Variants in CHST15 observed in about 807,000 individuals in gnomAD.
CHST15 encodes the protein carbohydrate sulfotransferase 15.
In CHST15, 30 loss-of-function variants were observed where a neutral mutation model predicts 53.6. The ratio of observed to expected loss-of-function variants is 0.56; its 90% confidence interval spans 0.42 to 0.76. CHST15 has a LOEUF of 0.76. Among genes scored for constraint, CHST15 ranks in the 30% least tolerant of loss-of-function variants. The pLI, the probability that CHST15 is intolerant of heterozygous loss-of-function variation, is 0.00. For missense variants in CHST15, 627 were observed against 740.5 expected (o/e 0.85, Z 1.78); for synonymous variants, 296 against 289.8 (o/e 1.02, Z -0.22).
In CHST15 at chr10:124,038,117, T is replaced by C. The variant is rs368652285; in HGVS notation, c.1190+398A>G. Among the ~76,000 whole-genome samples the C allele has an allele frequency of 1.6e-3, 238 of 151,642 alleles. 3 individuals carry two copies. Among genetic ancestry groups the C allele is most frequent in the African/African-American group, 5.4e-3 (223 of 41,300 alleles). ...TGTTTGTTTTTATTTTATTTTATTT[T>C]TTTTTTTGAGATGGAGTCTCACTCT... is the stretch of plus-strand genomic sequence containing the variant. On this transcript the variant is annotated intron_variant, in intron 5 of 7. Coordinates refer to ENST00000435907, the MANE Select transcript of CHST15 (RefSeq NM_001270764.2).
chr10:124,012,787 G>GGT (rs1466364647), intron 6 of CHST15, among the ~76,000 whole-genome samples: 1 of 152,170 alleles, frequency 6.6e-6, no homozygotes, highest in African/African-American at 2.4e-5. Flanking sequence ...GGCCACCAAT[G>GGT]GTGTACATGT....
intron 1 of CHST15, among the ~76,000 whole-genome samples, chr10:124,051,965 G>T (rs1315989165): frequency 6.6e-6 from 1 of 152,150 alleles, no homozygotes; most frequent in Admixed American, 6.5e-5. Context: ...AACTTCAGAA[G>T]AAATCTGGAT....
At chr10:124,063,807 A>AGG (rs1564900169) in intron 1 of CHST15, among the ~76,000 whole-genome samples, 1 of 152,238 alleles carries the variant, frequency 6.6e-6, no homozygotes, top group Non-Finnish European at 1.5e-5. Flanking sequence ...GTCAAGAAGC[A>AGG]GGGGCAGCTG....
chr10:124,058,322 CCTGATAGTCCAGTGT>C (rs774968182), intron 1 of CHST15, among the ~76,000 whole-genome samples: 1 of 152,204 alleles, frequency 6.6e-6, no homozygotes, highest in Non-Finnish European at 1.5e-5. Context: ...GAAGGAAATG[CCTGATAGTCCAGTGT>C]CTGCCACTTG....
chr10:124,067,975 G>A (rs1419862285), intron 1 of CHST15, among the ~76,000 whole-genome samples: 4 of 152,196 alleles, frequency 2.6e-5, no homozygotes, highest in Admixed American at 6.5e-5. Context: ...TTTCATTAAA[G>A]GTTGTGTCTG....
chr10:124,073,151 A>G (rs1008386819), intron 1 of CHST15, among the ~76,000 whole-genome samples: 1 of 152,224 alleles, frequency 6.6e-6, no homozygotes, highest in Non-Finnish European at 1.5e-5. Context: ...ATCAAAAGAC[A>G]TCAACTAGAA....
At chr10:124,061,690 G>A (rs1948579574) in intron 1 of CHST15, among the ~76,000 whole-genome samples, 1 of 152,176 alleles carries the variant, frequency 6.6e-6, no homozygotes, top group South Asian at 2.1e-4. Context: ...AATAATAAAT[G>A]TTGCACAAAA....
At chr10:124,087,456 G>A (rs1197021483) in intron 1 of CHST15, among the ~76,000 whole-genome samples, 3 of 152,184 alleles carry the variant, frequency 2.0e-5, no homozygotes, top group African/African-American at 7.2e-5. Context: ...ACATAATTGT[G>A]CCTGGCCTGT....
At chr10:124,046,784 C>T (rs923803706) in intron 1 of CHST15, 60 bp from the exon 2 acceptor site, 1 of 152,224 alleles carries the variant, frequency 6.6e-6, no homozygotes, top group African/African-American at 2.4e-5. Context: ...ACCCAAAGCT[C>T]ATCCTCCAAG....
At chr10:124,090,955 G>T (rs1045652952) in intron 1 of CHST15, among the ~76,000 whole-genome samples, 1 of 152,218 alleles carries the variant, frequency 6.6e-6, no homozygotes, top group African/African-American at 2.4e-5. Context: ...TTCTGCAGAG[G>T]GCTCCTGAGC....
At chr10:124,060,038 G>A (rs1284681708) in intron 1 of CHST15, among the ~76,000 whole-genome samples, 4 of 152,176 alleles carry the variant, frequency 2.6e-5, no homozygotes, top group Non-Finnish European at 4.4e-5. Context: ...CAAGAGGTGA[G>A]GAGAACAGCT....
chr10:124,088,746 C>T (rs1382857295), intron 1 of CHST15, among the ~76,000 whole-genome samples: 4 of 152,196 alleles, frequency 2.6e-5, no homozygotes, highest in East Asian at 1.9e-4. Flanking sequence ...GGACGCAGCA[C>T]GTGATAGGTC....
At chr10:124,027,133 A>G (rs549661089) in intron 5 of CHST15, among the ~76,000 whole-genome samples, 24 of 152,298 alleles carry the variant, frequency 1.6e-4, no homozygotes, top group African/African-American at 5.5e-4. Flanking sequence ...GTCCAAATGC[A>G]TTCCAGGCCT....
At chr10:124,012,562 T>C in intron 6 of CHST15, 82 bp from the exon 7 acceptor site, 1 of 1,427,280 alleles carries the variant, frequency 7.0e-7, no homozygotes, top group Non-Finnish European at 9.5e-7. Context: ...GTATGGCATT[T>C]CACTGTACCA....
At chr10:124,013,180 G>A (rs1294291856) in intron 6 of CHST15, among the ~76,000 whole-genome samples, 3 of 152,166 alleles carry the variant, frequency 2.0e-5, no homozygotes, top group Non-Finnish European at 4.4e-5. Flanking sequence ...TGGATGTCCT[G>A]CCTGACAGAA....
chr10:124,033,426 G>A (rs1323039743), intron 5 of CHST15, among the ~76,000 whole-genome samples: 1 of 152,218 alleles, frequency 6.6e-6, no homozygotes, highest in African/African-American at 2.4e-5. Flanking sequence ...GGTGCAGAAC[G>A]GGAGGTGGCT....
chr10:124,063,594 T>C (rs543812951), intron 1 of CHST15, among the ~76,000 whole-genome samples: 1 of 152,274 alleles, frequency 6.6e-6, no homozygotes, highest in Admixed American at 6.5e-5. Context: ...AATCTTTTTC[T>C]TTTCTCTTTT....
chr10:124,022,811 CTTTTTTTTTTTTTT>C (rs924775599), intron 5 of CHST15, among the ~76,000 whole-genome samples: 1 of 100,422 alleles, frequency 1.0e-5, no homozygotes, highest in African/African-American at 4.1e-5. Flanking sequence ...CTTGGCATTT[CTTTTTTTTTTTTTT>C]TTTTTTTTTG....
intron 1 of CHST15, among the ~76,000 whole-genome samples, chr10:124,087,286 C>A (rs762114608): frequency 2.0e-5 from 3 of 152,176 alleles, no homozygotes; most frequent in Non-Finnish European, 4.4e-5. Flanking sequence ...TCCAGGGCCA[C>A]CCTGGGAGGG....
Sources: gnomAD v4.1 joint callset for allele counts (sites outside exome capture counted in the v4.1 genomes callset) on GRCh38, gnomAD v4.1.1 for gene constraint, MANE v1.5 for transcripts, NCBI Gene and HGNC (gene_info 2026-07-23, HGNC 2026-07-21) for gene names.